Variants in CEP57L1 observed in about 807,000 individuals in gnomAD.
CEP57L1 encodes the protein centrosomal protein CEP57L1.
CEP57L1 carries 37 observed loss-of-function variants against 61.0 expected under a neutral mutation model. The ratio of observed to expected loss-of-function variants is 0.61; its 90% CI spans 0.47 to 0.80. The LOEUF (loss-of-function observed/expected upper bound fraction) is 0.80, where lower values mean the gene tolerates loss of function less well. Ranked by LOEUF, CEP57L1 falls within the 30% of genes least tolerant of loss-of-function variation. The pLI is 0.00. For synonymous variants in CEP57L1, 137 were observed against 162.3 expected, an observed-to-expected ratio of 0.84 and a Z score of 1.19; for missense variants, 422 against 524.7, an observed-to-expected ratio of 0.80 and a Z score of 1.91.
At chr6:109,114,364 A>T (rs1772032361) in intron 1 of CEP57L1, among the ~76,000 whole-genome samples, 1 of 152,094 alleles carries the variant, frequency 6.6e-6, no homozygotes, top group Admixed American at 6.6e-5. Context: ...CCTTCTTTTG[A>T]GAAATGTCTA....
At position 109,165,863 on chromosome 6, in the gene CEP57L1, G is replaced by A. The variant is rs1774067525; in HGVS notation, c.*2893G>A. ...GAGTTGCTGTAGCAACCTCACAGCT[G>A]TGCTCTGTCTAGCAGAAACTTGGTA... On this transcript the variant is annotated 3_prime_UTR_variant, in exon 11 of 11. Coordinates refer to ENST00000517392, the MANE Select transcript of CEP57L1 (RefSeq NM_001271852.3). 1 of 152,198 alleles carries A rather than the reference G, an allele frequency of 6.6e-6. No individual in the cohort carries two copies. Among genetic ancestry groups the A allele is most frequent in the Non-Finnish European group, 1.5e-5 (1 of 68,032 alleles). 9.4% of individuals were successfully genotyped at this position (152,198 alleles called of 1,614,324 possible).
chr6:109,129,306 A>G, intron 1 of CEP57L1: 1 of 1,052,996 alleles, frequency 9.5e-7, no homozygotes, highest in Middle Eastern at 2.6e-4. Flanking sequence ...TTTCCTAGAA[A>G]ATGGATCCTC....
At chr6:109,115,735 A>T (rs1344389745) in intron 1 of CEP57L1, among the ~76,000 whole-genome samples, 1 of 152,112 alleles carries the variant, frequency 6.6e-6, no homozygotes, top group African/African-American at 2.4e-5. Context: ...TTTGCTATTC[A>T]TTTTTTATAC....
At chr6:109,157,447 T>C (rs1482459444) in intron 7 of CEP57L1, 3 of 152,134 alleles carry the variant, frequency 2.0e-5, no homozygotes, top group Admixed American at 6.5e-5. Context: ...AACAGTATAA[T>C]AGAAGATTAA....
At chr6:109,107,018 T>C (rs1028880760) in intron 1 of CEP57L1, among the ~76,000 whole-genome samples, 10 of 152,212 alleles carry the variant, frequency 6.6e-5, no homozygotes, top group African/African-American at 2.4e-4. Flanking sequence ...TATGTAATAG[T>C]ATTTACAAAC....
At chr6:109,149,881 A>G (rs1486212219) in intron 3 of CEP57L1, among the ~76,000 whole-genome samples, 1 of 152,126 alleles carries the variant, frequency 6.6e-6, no homozygotes, top group African/African-American at 2.4e-5. Flanking sequence ...CTTTGAAGCA[A>G]TTGTGAATGG....
At chr6:109,111,006 C>T (rs930787610) in intron 1 of CEP57L1, among the ~76,000 whole-genome samples, 10 of 152,090 alleles carry the variant, frequency 6.6e-5, no homozygotes, top group South Asian at 6.2e-4. Flanking sequence ...CTTGGCTATG[C>T]GGGCTCTTTT....
At chr6:109,095,318 G>C (rs1438380123), upstream of CEP57L1, 10 of 986,002 alleles carry the variant, frequency 1.0e-5, no homozygotes, top group Non-Finnish European at 1.2e-5. Context: ...AAGAGGGCGC[G>C]AAGGGACTCC....
intron 1 of CEP57L1, among the ~76,000 whole-genome samples, chr6:109,113,378 C>T (rs1418278841): frequency 6.6e-6 from 1 of 151,928 alleles, no homozygotes; most frequent in Non-Finnish European, 1.5e-5. Flanking sequence ...TTTATTGAGC[C>T]CCTGTGAACA....
intron 10 of CEP57L1, among the ~76,000 whole-genome samples, chr6:109,161,246 T>A (rs1773693662): frequency 6.6e-6 from 1 of 152,188 alleles, no homozygotes; most frequent in South Asian, 2.1e-4. Context: ...TGAAGAAAAC[T>A]CTGCACTTGT....
At chr6:109,161,779 A>G (rs761240401) in intron 10 of CEP57L1, among the ~76,000 whole-genome samples, 1 of 152,122 alleles carries the variant, frequency 6.6e-6, no homozygotes, top group Non-Finnish European at 1.5e-5. Context: ...TATATATACT[A>G]TATTTTTAAA....
At chr6:109,129,684 G>A (rs1773966454) in intron 1 of CEP57L1, among the ~76,000 whole-genome samples, 1 of 152,070 alleles carries the variant, frequency 6.6e-6, no homozygotes. Flanking sequence ...TCTTACTTGG[G>A]TTAGGAGTCT....
rs114011094 is a variant in CEP57L1, at chr6:109,126,297, C to G, written c.-3-18922C>G. 8.3e-3 allele frequency among the ~76,000 whole-genome samples: 1,261 copies of G among 152,216 alleles called. 23 individuals are homozygous for G. Among genetic ancestry groups the G allele is most frequent in the African/African-American group, 0.029 (1,210 of 41,528 alleles). On this transcript the variant is annotated intron_variant, in intron 1 of 10. Coordinates refer to ENST00000517392, the MANE Select transcript of CEP57L1 (RefSeq NM_001271852.3). ...CAGATATTTGTATAAATAATTGATA[C>G]TCTAAATCTCCAGCTGCTTTCTACC...
Position 109,102,228 on chromosome 6 carries a change from C to T in CEP57L1, c.-4+6653C>T, listed in dbSNP as rs115893714. Among the ~76,000 whole-genome samples the T allele has an allele frequency of 8.2e-3, 1,251 of 152,172 alleles. 22 individuals are homozygous for T. Among genetic ancestry groups the T allele is most frequent in the African/African-American group, 0.029 (1,200 of 41,496 alleles). On this transcript the variant is annotated intron_variant, in intron 1 of 10. Transcript: ENST00000517392. ...TTTTTGTTTTTTAGAGGCAGGGTCTCCCTAGGTCACCCAGGTTGGAGTGCA... is the reference window on the plus strand; with the variant it reads ...TTTTTGTTTTTTAGAGGCAGGGTCTTCCTAGGTCACCCAGGTTGGAGTGCA...
At chr6:109,159,525 T>C in intron 9 of CEP57L1, 63 bp downstream of exon 9, 1 of 1,471,758 alleles carries the variant, frequency 6.8e-7, no homozygotes, top group Admixed American at 2.0e-5. Context: ...CCCAGGCTAG[T>C]CTTGAACTCC....
At chr6:109,136,675 A>G (rs890387175) in intron 1 of CEP57L1, among the ~76,000 whole-genome samples, 2 of 151,348 alleles carry the variant, frequency 1.3e-5, no homozygotes, top group Non-Finnish European at 2.9e-5. Flanking sequence ...AGTTTGAACC[A>G]AAGAAGTCTG....
chr6:109,145,170 C>T, intron 1 of CEP57L1, 49 bp from the exon 2 acceptor site: 4 of 1,176,052 alleles, frequency 3.4e-6, no homozygotes, highest in South Asian at 2.4e-5. Flanking sequence ...ATGCATTTAC[C>T]CTTAAAATAG....
rs1325914764 is a variant in CEP57L1, at chr6:109,172,867, C to T, written c.*9897C>T. Among the ~76,000 whole-genome samples the T allele has an allele frequency of 6.6e-6, 1 of 152,160 alleles. No individual in the cohort carries two copies. The highest frequency in any genetic ancestry group is 1.5e-5 in the Non-Finnish European group (1 of 68,032). On this transcript the variant is annotated 3_prime_UTR_variant, in exon 11 of 11. Transcript: ENST00000517392. The stretch of plus-strand genomic sequence containing the variant: ...CATAGGAGTTAACTTTGTCTGGAGG[C>T]TTTTTCAAGCCCAAGAGGTTGTCAT...
chr6:109,125,492 C>T (rs1262228808), intron 1 of CEP57L1, among the ~76,000 whole-genome samples: 11 of 143,072 alleles, frequency 7.7e-5, no homozygotes, highest in Non-Finnish European at 1.4e-4. Context: ...TTTTTAAATG[C>T]TATATATATA....
Sources: gnomAD v4.1 joint callset for allele counts (sites outside exome capture counted in the v4.1 genomes callset) on GRCh38, gnomAD v4.1.1 for gene constraint, MANE v1.5 for transcripts, NCBI Gene and HGNC (gene_info 2026-07-23, HGNC 2026-07-21) for gene names.